Variants in PRDM8 observed in about 807,000 individuals in gnomAD.
PRDM8 encodes the protein PR/SET domain 8.
Under a neutral mutation model 46.5 loss-of-function variants are expected in PRDM8, and 13 were observed. That is an observed-to-expected ratio of 0.28 (90% CI 0.18 to 0.44). The LOEUF is 0.44. PRDM8 is among the 20% of genes least tolerant of loss of function. The probability of loss-of-function intolerance (pLI) is 1.00; values close to 1 mark genes in which losing one functional copy is unlikely to be tolerated. For synonymous variants in PRDM8, 473 were observed against 438.4 expected, an observed-to-expected ratio of 1.08 and a Z score of -0.98; for missense variants, 998 against 955.0, an observed-to-expected ratio of 1.04 and a Z score of -0.59.
At position 80,203,185 on chromosome 4, in the gene PRDM8, T is replaced by G. The variant is rs1192440998; in HGVS notation, c.1723T>G (p.Phe575Val). Residue 575 changes from phenylalanine to valine, a missense_variant, in exon 4 of 4, where the codon TTC becomes GTC. Coordinates refer to ENST00000415738, the MANE Select transcript of PRDM8 (RefSeq NM_001099403.2). ...CGGCGGCCTGCCTAAGCAGAGCCCCTTCCTGTACGCCACCGCCTTCTGGCC... is the reference window on the plus strand; with the variant it reads ...CGGCGGCCTGCCTAAGCAGAGCCCCGTCCTGTACGCCACCGCCTTCTGGCC... ...GGGGLPKQSP[F>V]LYATAFWPKS... 6.5e-7 allele frequency: 1 copy of G among 1,550,044 alleles called. No homozygotes were observed. Among genetic ancestry groups the G allele is most frequent in the Non-Finnish European group, 8.7e-7 (1 of 1,151,610 alleles).
intron 1 of PRDM8, among the ~76,000 whole-genome samples, chr4:80,199,783 C>T (rs1738294419): frequency 1.3e-5 from 2 of 150,516 alleles, no homozygotes; most frequent in African/African-American, 2.5e-5. Flanking sequence ...CTAAAACCTA[C>T]CCAATCCAAC....
At chr4:80,185,842 G>T (rs900878795) in intron 1 of PRDM8, among the ~76,000 whole-genome samples, 3 of 152,084 alleles carry the variant, frequency 2.0e-5, no homozygotes, top group African/African-American at 7.3e-5. Context: ...CGTAATTTGC[G>T]TCATTGCCTT....
chr4:80,202,205 C>T lies in PRDM8; in HGVS notation c.743C>T (p.Ala248Val), dbSNP rs1258198599. 6.2e-7 allele frequency: 1 copy of T among 1,612,186 alleles called. No individual in the cohort carries two copies. The highest frequency in any genetic ancestry group is 8.5e-7 in the Non-Finnish European group (1 of 1,179,798). Residue 248 changes from alanine (A) to valine (V), a missense_variant, in exon 4 of 4, where the codon GCT (alanine) becomes GTT (valine). Coordinates refer to ENST00000415738, the MANE Select transcript of PRDM8 (RefSeq NM_001099403.2). ...SPSPESSNPSAAAGGSSAKPS... is the reference protein window; with the variant it reads ...SPSPESSNPSVAAGGSSAKPS... ...TCCCCGGAAAGCAGCAACCCATCCG[C>T]TGCCGCCGGCGGCAGCAGCGCGAAG... is the stretch of plus-strand genomic sequence containing the variant.
chr4:80,186,422 G>GAGAGAAGAGAGA (rs1737079785), intron 1 of PRDM8, among the ~76,000 whole-genome samples: 1 of 37,716 alleles, frequency 2.7e-5, no homozygotes, highest in Non-Finnish European at 6.4e-5. Flanking sequence ...AGAGAGAGAA[G>GAGAGAAGAGAGA]GCAGGGTGGA....
At chr4:80,198,977 T>TG (rs1172815097) in intron 1 of PRDM8, among the ~76,000 whole-genome samples, 3 of 127,148 alleles carry the variant, frequency 2.4e-5, no homozygotes, top group African/African-American at 3.1e-5. Flanking sequence ...TGGGTTTTTT[T>TG]GGGTTTTTTT....
chr4:80,202,191 C>T lies in PRDM8; in HGVS notation c.729C>T (p.Ser243=), dbSNP rs757765593. The change falls in exon 4 of 4, where the codon AGC becomes AGT. Residue 243 remains serine (S), a synonymous_variant. Transcript: ENST00000415738. ...ACTACCCATCCCCCTCCCCGGAAAGCAGCAACCCATCCGCTGCCGCCGGCG... is the reference window on the plus strand; with the variant it reads ...ACTACCCATCCCCCTCCCCGGAAAGTAGCAACCCATCCGCTGCCGCCGGCG... ...LHHYPSPSPE[S]SNPSAAAGGS... The T allele has an allele frequency of 9.3e-6, 15 of 1,612,046 alleles. No homozygotes were observed. Among genetic ancestry groups the T allele is most frequent in the African/African-American group, 1.3e-5 (1 of 74,864 alleles).
In PRDM8 at chr4:80,201,985, C is replaced by T; in HGVS notation, c.523C>T (p.Arg175Cys). 6.2e-7 allele frequency: 1 copy of T among 1,614,122 alleles called. No individual in the cohort carries two copies. The highest frequency in any genetic ancestry group is 8.5e-7 in the Non-Finnish European group (1 of 1,180,012). The change falls in exon 4 of 4, where the codon CGT becomes TGT. Residue 175 changes from arginine (R) to cysteine (C), a missense_variant. Arg to Cys is a radical substitution (Grantham distance 180). Coordinates refer to ENST00000415738, the MANE Select transcript of PRDM8 (RefSeq NM_001099403.2). ...TGAGTTCCCCTATGTGGCGCATCTGCGTTTCCGCTGCCCCAAGAGACTTCA... is the reference window on the plus strand; with the variant it reads ...TGAGTTCCCCTATGTGGCGCATCTGTGTTTCCGCTGCCCCAAGAGACTTCA... The part of the protein sequence containing the change: ...QFEFPYVAHL[R>C]FRCPKRLHSA...
In PRDM8 at chr4:80,202,488, G is replaced by A. The variant is rs1480557783; in HGVS notation, c.1026G>A (p.Pro342=). 1 of 1,342,254 alleles carries A rather than the reference G, an allele frequency of 7.5e-7. No homozygotes were observed. Among genetic ancestry groups the A allele is most frequent in the Non-Finnish European group, 9.9e-7 (1 of 1,005,220 alleles). The allele number at this position is 1,342,254 out of a possible 1,614,324, so 83.1% of individuals were successfully genotyped here. The part of the protein sequence containing the change: ...GRGRFVERPL[P]ASKEDLVCTP... ...GCCGCTTCGTAGAGCGGCCCCTCCC[G>A]GCCTCCAAGGAGGATCTGGTGTGCA... is the stretch of plus-strand genomic sequence containing the variant. Residue 342 remains proline (P), a synonymous_variant, in exon 4 of 4, where the codon CCG becomes CCA. Transcript: ENST00000415738.
chr4:80,204,222 TG>T lies in PRDM8; in HGVS notation c.*691del, dbSNP rs1738814200. On this transcript the variant is annotated 3_prime_UTR_variant, in exon 4 of 4. Transcript: ENST00000415738. ...AATTTTGTGCCAGTGAAATGGAGTC[TG>T]AATAGTTATGTGTTTCTTTTATCCC... 1 of 152,810 alleles carries T rather than the reference TG, an allele frequency of 6.5e-6. No individual in the cohort carries two copies. The highest frequency in any genetic ancestry group is 2.4e-5 in the African/African-American group (1 of 41,590). 9.5% of individuals were successfully genotyped at this position (152,810 alleles called of 1,614,324 possible).
intron 1 of PRDM8, 44 bp from the exon 2 acceptor site, chr4:80,200,035 G>GA: frequency 6.6e-7 from 1 of 1,517,388 alleles, no homozygotes; most frequent in Non-Finnish European, 9.1e-7. Context: ...GGCGTTAAAA[G>GA]CAGTAACATA....
chr4:80,192,169 C>CT (rs1358122682), intron 2 of PRDM8, among the ~76,000 whole-genome samples: 1 of 152,160 alleles, frequency 6.6e-6, no homozygotes, highest in Non-Finnish European at 1.5e-5. Context: ...CTTTCTGCTG[C>CT]TTTTTCCCCA....
rs76135285 is a variant in PRDM8 at position 80,200,683 on chromosome 4, G to T, written c.219+384G>T. On this transcript the variant is annotated intron_variant, in intron 2 of 3. Transcript: ENST00000415738. Reference sequence around the variant, plus strand: ...GTACATCTGCCTTCCATTTGAGGAGGCTTCTTCATCCCCTAAAGATTAGTT... The same window carrying T: ...GTACATCTGCCTTCCATTTGAGGAGTCTTCTTCATCCCCTAAAGATTAGTT... 6.6e-3 allele frequency among the ~76,000 whole-genome samples: 1,009 copies of T among 152,288 alleles called. 11 individuals are homozygous for T. The highest frequency in any genetic ancestry group is 0.023 in the African/African-American group (965 of 41,550).
intron 3 of PRDM8, 104 bp downstream of exon 3, chr4:80,201,625 G>C: frequency 1.7e-6 from 2 of 1,182,712 alleles, no homozygotes; most frequent in Non-Finnish European, 2.4e-6. Flanking sequence ...TCTTCCCTTC[G>C]GGTGTCTCAT....
chr4:80,198,979 GGTTTTTTTTTTTTTGTTTTT>G (rs1738190319), intron 1 of PRDM8, among the ~76,000 whole-genome samples: 4 of 113,510 alleles, frequency 3.5e-5, no homozygotes, highest in Admixed American at 3.1e-4. Context: ...GGTTTTTTTG[GGTTTTTTTTTTTTTGTTTTT>G]TTTTTTTTTT....
intron 1 of PRDM8, among the ~76,000 whole-genome samples, chr4:80,185,897 G>A (rs1373391633): frequency 1.3e-5 from 2 of 152,152 alleles, no homozygotes; most frequent in South Asian, 2.1e-4. Flanking sequence ...ATGGAGGGTC[G>A]GGCCAATAAA....
intron 3 of PRDM8, 42 bp from the exon 4 acceptor site, chr4:80,201,872 G>A (rs368993952): frequency 6.4e-7 from 1 of 1,560,266 alleles, no homozygotes; most frequent in African/African-American, 1.4e-5. Flanking sequence ...GTGTGTGTGT[G>A]TGTGCGTGCG....
chr4:80,186,305 G>C (rs1363838310), intron 1 of PRDM8, among the ~76,000 whole-genome samples: 1 of 151,234 alleles, frequency 6.6e-6, no homozygotes, highest in Non-Finnish European at 1.5e-5. Context: ...TCCAGAACTG[G>C]AATGTTAGAT....
chr4:80,190,947 T>C (rs1737496837), intron 1 of PRDM8, among the ~76,000 whole-genome samples: 2 of 152,226 alleles, frequency 1.3e-5, no homozygotes, highest in Non-Finnish European at 2.9e-5. Flanking sequence ...CTCTAGAATA[T>C]AGATAATGCT....
Position 80,203,995 on chromosome 4 carries a change from A to G in PRDM8, c.*463A>G, listed in dbSNP as rs1000550496. 3.3e-5 allele frequency: 5 copies of G among 153,102 alleles called. No individual in the cohort carries two copies. Among genetic ancestry groups the G allele is most frequent in the African/African-American group, 1.2e-4 (5 of 41,430 alleles). The allele number at this position is 153,102 out of a possible 1,614,324, so 9.5% of individuals were successfully genotyped here. On this transcript the variant is annotated 3_prime_UTR_variant, in exon 4 of 4. Transcript: ENST00000415738. ...AAGGGCAAAATTTATTTTAGATATAAAGTAAAGGAGGAGGGTGAGATGCTT... is the reference window on the plus strand; with the variant it reads ...AAGGGCAAAATTTATTTTAGATATAGAGTAAAGGAGGAGGGTGAGATGCTT...
Sources: allele counts gnomAD v4.1 joint callset (sites outside exome capture counted in the v4.1 genomes callset), GRCh38; gene constraint gnomAD v4.1.1; transcripts MANE v1.5; gene names NCBI Gene and HGNC (gene_info 2026-07-23, HGNC 2026-07-21).